MSRB3: variants seen among roughly 807,000 people sequenced by gnomAD.
MSRB3 encodes the protein methionine-R-sulfoxide reductase B3.
In MSRB3, 13 loss-of-function variants were observed where a neutral mutation model predicts 21.0. The ratio of observed to expected loss-of-function variants is 0.62; its 90% confidence interval spans 0.40 to 0.98. The LOEUF (loss-of-function observed/expected upper bound fraction) is 0.98. MSRB3 is among the 50% of genes least tolerant of loss of function. The pLI, the probability that MSRB3 is intolerant of heterozygous loss-of-function variation, is 0.00. For synonymous variants in MSRB3, 87 were observed against 88.6 expected, an observed-to-expected ratio of 0.98 and a Z score of 0.10; for missense variants, 199 against 230.3, an observed-to-expected ratio of 0.86 and a Z score of 0.88.
intron 4 of MSRB3, among the ~76,000 whole-genome samples, chr12:65,353,622 T>G (rs1455690911): frequency 6.6e-6 from 1 of 152,168 alleles, no homozygotes; most frequent in Non-Finnish European, 1.5e-5. Flanking sequence ...TGTGTGTCTC[T>G]GCATGTGAGA....
chr12:65,406,349 A>T (rs6581634), intron 5 of MSRB3, among the ~76,000 whole-genome samples: 7,005 of 152,288 alleles, frequency 0.046, 546 homozygotes, highest in African/African-American at 0.16. Flanking sequence ...TGCCATAGCT[A>T]CTAAAAAGCT....
Position 65,376,147 on chromosome 12 carries a change from T to C in MSRB3, c.292+7121T>C, listed in dbSNP as rs1306749351. On this transcript the variant is annotated intron_variant, in intron 5 of 6. Transcript: ENST00000308259. The stretch of plus-strand genomic sequence containing the variant: ...TTTTTTTTTTTTTTTTGAGACGGAG[T>C]CTCGCTCTTTCGCCCAGGCCAGAGT... Among the ~76,000 whole-genome samples the C allele has an allele frequency of 3.0e-5, 4 of 132,768 alleles. No homozygotes were observed. In the East Asian group the frequency reaches 8.8e-4, roughly 29 times the overall value. The allele number at this position is 132,768 out of a possible 152,430, so 87.1% of individuals were successfully genotyped here. A position where few individuals can be genotyped will look rare whatever the true frequency, so the allele number is the denominator to read the frequency against.
chr12:65,375,434 TTTTA>T lies in MSRB3; in HGVS notation c.292+6416_292+6419del, dbSNP rs540321111. ...TTAGTTGAGTCCTAGAGTTTTAATA[TTTTA>T]TTTATTTTTATTATTTTTTTAGAGG... On this transcript the variant is annotated intron_variant, in intron 5 of 6. Transcript: ENST00000308259. 7.9e-5 allele frequency among the ~76,000 whole-genome samples: 12 copies of T among 152,146 alleles called. No homozygotes were observed. In the South Asian group the frequency reaches 2.3e-3, roughly 29 times the overall value.
At position 65,369,036 on chromosome 12, in the gene MSRB3, C is replaced by T; in HGVS notation, c.292+10C>T. 6.6e-7 allele frequency: 1 copy of T among 1,515,102 alleles called. No individual in the cohort carries two copies. Among genetic ancestry groups the T allele is most frequent in the Non-Finnish European group, 9.0e-7 (1 of 1,105,928 alleles). The allele number at this position is 1,515,102 out of a possible 1,614,324, so 93.9% of individuals were successfully genotyped here. On this transcript the variant is annotated intron_variant, in intron 5 of 6. Coordinates refer to ENST00000308259, the MANE Select transcript of MSRB3 (RefSeq NM_001031679.3). ...TTTGACTCCGGTTCAGGTATGTTTA[C>T]ATTAATAATGCTCTTCTGAATATAT...
chr12:65,414,879 C>G (rs560358273), intron 5 of MSRB3, among the ~76,000 whole-genome samples: 1 of 152,160 alleles, frequency 6.6e-6, no homozygotes, highest in Admixed American at 6.5e-5. Flanking sequence ...TGAGGGAAAT[C>G]AGTAATTCAG....
intron 4 of MSRB3, among the ~76,000 whole-genome samples, chr12:65,354,536 A>G (rs899091878): frequency 6.6e-6 from 1 of 151,906 alleles, no homozygotes; most frequent in South Asian, 2.1e-4. Flanking sequence ...AGGCTTGTGC[A>G]TTCGTCACGT....
intron 1 of MSRB3, among the ~76,000 whole-genome samples, chr12:65,289,177 G>GT (rs1872548263): frequency 6.6e-6 from 1 of 152,160 alleles, no homozygotes; most frequent in Non-Finnish European, 1.5e-5. Context: ...ATATTGTTCA[G>GT]TTTTGCATAT....
intron 4 of MSRB3, among the ~76,000 whole-genome samples, chr12:65,344,690 TTA>T (rs1876371460): frequency 6.6e-6 from 1 of 151,852 alleles, no homozygotes; most frequent in African/African-American, 2.4e-5. Flanking sequence ...AGACATTTTT[TTA>T]CTTCCCCATT....
At chr12:65,326,096 C>G (rs778355435) in intron 2 of MSRB3, among the ~76,000 whole-genome samples, 4 of 152,064 alleles carry the variant, frequency 2.6e-5, no homozygotes, top group Non-Finnish European at 5.9e-5. Context: ...TTGTCTTTCT[C>G]CCTTTCTGTT....
At chr12:65,366,983 A>G (rs1437857231) in intron 4 of MSRB3, among the ~76,000 whole-genome samples, 2 of 152,112 alleles carry the variant, frequency 1.3e-5, no homozygotes, top group African/African-American at 2.4e-5. Flanking sequence ...GAGGAGGGGA[A>G]GTGACAGACA....
At chr12:65,408,494 G>A (rs1301591737) in intron 5 of MSRB3, among the ~76,000 whole-genome samples, 1 of 152,170 alleles carries the variant, frequency 6.6e-6, no homozygotes, top group African/African-American at 2.4e-5. Flanking sequence ...GAGGTAGACT[G>A]CATTTACTAT....
rs570047983 is a variant in MSRB3, at chr12:65,279,797, G to T, written c.-52+932G>T. Reference sequence around the variant, plus strand: ...TTTAAAGTACAAAGGTAGGGATAAAGGTAAATGTGAAATTGCATGGACTTT... The same window carrying T: ...TTTAAAGTACAAAGGTAGGGATAAATGTAAATGTGAAATTGCATGGACTTT... On this transcript the variant is annotated intron_variant, in intron 1 of 6. Transcript: ENST00000308259. 2.0e-5 allele frequency among the ~76,000 whole-genome samples: 3 copies of T among 152,280 alleles called. No individual in the cohort carries two copies. The South Asian group carries it at 6.2e-4, about 32-fold the overall frequency.
chr12:65,380,692 T>G (rs1878893351), intron 5 of MSRB3, among the ~76,000 whole-genome samples: 1 of 152,204 alleles, frequency 6.6e-6, no homozygotes, highest in Non-Finnish European at 1.5e-5. Context: ...ACTAAGTGTT[T>G]AATATTTATT....
intron 4 of MSRB3, among the ~76,000 whole-genome samples, chr12:65,354,551 C>T (rs1250941389): frequency 1.3e-5 from 2 of 151,884 alleles, no homozygotes; most frequent in Non-Finnish European, 2.9e-5. Flanking sequence ...TCACGTAGTT[C>T]TCTTGCCATG....
chr12:65,305,120 G>A (rs1273846564), intron 1 of MSRB3: 1 of 150,918 alleles, frequency 6.6e-6, no homozygotes, highest in African/African-American at 2.4e-5. Context: ...CCAGGCTGGA[G>A]TGCAGTACGC....
At chr12:65,320,166 A>G (rs1435368646) in intron 2 of MSRB3, among the ~76,000 whole-genome samples, 1 of 152,212 alleles carries the variant, frequency 6.6e-6, no homozygotes, top group Non-Finnish European at 1.5e-5. Context: ...GCAAGAAGGC[A>G]TTAAATGTGA....
chr12:65,344,418 A>G (rs1214330081), intron 4 of MSRB3, among the ~76,000 whole-genome samples: 1 of 152,072 alleles, frequency 6.6e-6, no homozygotes, highest in Non-Finnish European at 1.5e-5. Flanking sequence ...AAAGAGATCT[A>G]GAGAAACTCA....
chr12:65,334,281 T>G (rs1418877469), intron 4 of MSRB3, among the ~76,000 whole-genome samples: 1 of 152,242 alleles, frequency 6.6e-6, no homozygotes, highest in Non-Finnish European at 1.5e-5. Flanking sequence ...TGGTTCTTAG[T>G]GCTTCATATA....
chr12:65,392,435 T>A (rs1024198678), intron 5 of MSRB3, among the ~76,000 whole-genome samples: 1 of 152,232 alleles, frequency 6.6e-6, no homozygotes, highest in African/African-American at 2.4e-5. Context: ...TGAGTGGATT[T>A]AACTAGCTCT....
Sources: gnomAD v4.1 joint callset for allele counts (sites outside exome capture counted in the v4.1 genomes callset) on GRCh38, gnomAD v4.1.1 for gene constraint, MANE v1.5 for transcripts, NCBI Gene and HGNC (gene_info 2026-07-23, HGNC 2026-07-21) for gene names.